BMAL1: variants seen among roughly 807,000 people sequenced by gnomAD.
BMAL1 encodes basic helix-loop-helix ARNT like 1, also known as basic helix-loop-helix ARNT-like protein 1.
chr11:13,381,240 C>T, the BMAL1 span: 221 of 1,613,836 alleles, frequency 1.4e-4, no homozygotes, highest in Non-Finnish European at 1.8e-4. Context: ...TGCCTCTTCT[C>T]CAGGAGGCAA....
At chr11:13,363,434 CCT>C in the BMAL1 span, among the ~76,000 whole-genome samples, 4 of 151,984 alleles carry the variant, frequency 2.6e-5, no homozygotes, top group Non-Finnish European at 5.9e-5. Context: ...GGTTTTGTCA[CCT>C]CTCTAGCACG....
chr11:13,358,618 T>C, the BMAL1 span: 1 of 1,538,354 alleles, frequency 6.5e-7, no homozygotes, highest in Non-Finnish European at 8.8e-7. Flanking sequence ...TATTGTCCTT[T>C]ATGTCCTTGC....
chr11:13,292,560 T>A, the BMAL1 span, among the ~76,000 whole-genome samples: 2,154 of 145,308 alleles, frequency 0.015, 63 homozygotes, highest in African/African-American at 0.051. Context: ...AAAAAAAAAA[T>A]AAAATAAAAT....
At chr11:13,371,906 A>G in the BMAL1 span, among the ~76,000 whole-genome samples, 5 of 152,152 alleles carry the variant, frequency 3.3e-5, no homozygotes, top group Non-Finnish European at 5.9e-5. Flanking sequence ...CTCCCTAGGA[A>G]GAGTTAGATA....
the BMAL1 span, chr11:13,376,470 G>T: frequency 1.4e-6 from 1 of 708,186 alleles, no homozygotes; most frequent in African/African-American, 1.7e-5. Flanking sequence ...AGGCCAGGAT[G>T]CTATCCATTA....
At chr11:13,321,195 C>G in the BMAL1 span, among the ~76,000 whole-genome samples, 5 of 152,150 alleles carry the variant, frequency 3.3e-5, no homozygotes, top group Admixed American at 3.3e-4. Flanking sequence ...CCAGTTCACC[C>G]TACTGAGATT....
At chr11:13,323,352 C>T in the BMAL1 span, among the ~76,000 whole-genome samples, 2 of 152,220 alleles carry the variant, frequency 1.3e-5, no homozygotes, top group Non-Finnish European at 2.9e-5. Flanking sequence ...CCCATACCCA[C>T]TGCCCATTCA....
chr11:13,300,333 A>G, the BMAL1 span, among the ~76,000 whole-genome samples: 1 of 152,256 alleles, frequency 6.6e-6, no homozygotes, highest in Non-Finnish European at 1.5e-5. Flanking sequence ...TTGTCTAGCT[A>G]ATGGCAATGG....
At chr11:13,365,526 AGGATGTGACCGAG>A in the BMAL1 span, 1 of 1,613,716 alleles carries the variant, frequency 6.2e-7, no homozygotes, top group Non-Finnish European at 8.5e-7. Flanking sequence ...TGTTTGTCGT[AGGATGTGACCGAG>A]GGAAGATACT....
the BMAL1 span, chr11:13,356,595 T>C: frequency 7.8e-6 from 7 of 898,826 alleles, no homozygotes; most frequent in Middle Eastern, 3.1e-4. Context: ...TTTACCCTTA[T>C]TATACATCAT....
the BMAL1 span, among the ~76,000 whole-genome samples, chr11:13,338,781 G>T: frequency 6.6e-6 from 1 of 152,146 alleles, no homozygotes; most frequent in Admixed American, 6.5e-5. Flanking sequence ...ATGTGATGTC[G>T]ATGCCTCCCC....
the BMAL1 span, among the ~76,000 whole-genome samples, chr11:13,337,747 A>T: frequency 1.3e-5 from 2 of 152,176 alleles, no homozygotes; most frequent in Non-Finnish European, 2.9e-5. Context: ...TTTCCTATTC[A>T]TAGTCTCTGC....
At chr11:13,284,716 A>G in the BMAL1 span, among the ~76,000 whole-genome samples, 5,806 of 152,044 alleles carry the variant, frequency 0.038, 355 homozygotes, top group African/African-American at 0.13. Flanking sequence ...CCTCGTACTT[A>G]GACCACCCAG....
chr11:13,317,603 C>T, the BMAL1 span, among the ~76,000 whole-genome samples: 1 of 152,208 alleles, frequency 6.6e-6, no homozygotes, highest in Non-Finnish European at 1.5e-5. Context: ...TTATTATTTA[C>T]TCTAGACCTG....
At chr11:13,327,067 C>T in the BMAL1 span, among the ~76,000 whole-genome samples, 1 of 151,628 alleles carries the variant, frequency 6.6e-6, no homozygotes, top group Non-Finnish European at 1.5e-5. Flanking sequence ...TGATCCACCC[C>T]CCTCAGCCTC....
the BMAL1 span, among the ~76,000 whole-genome samples, chr11:13,294,201 C>T: frequency 2.6e-5 from 4 of 152,038 alleles, no homozygotes; most frequent in East Asian, 7.7e-4. Context: ...GAACTTCTTT[C>T]TTGGAACTCT....
the BMAL1 span, chr11:13,353,140 C>T: frequency 2.6e-5 from 4 of 152,222 alleles, no homozygotes; most frequent in African/African-American, 9.7e-5. Context: ...TCCTGATTCC[C>T]AAGTAAGACT....
chr11:13,284,142 A>ATG, the BMAL1 span, among the ~76,000 whole-genome samples: 6 of 33,136 alleles, frequency 1.8e-4, 1 homozygote, highest in African/African-American at 4.7e-4. Flanking sequence ...ATATATATAT[A>ATG]TGTGTATATA....
chr11:13,358,375 A>C, the BMAL1 span: 3 of 1,436,804 alleles, frequency 2.1e-6, no homozygotes, highest in East Asian at 7.6e-5. Flanking sequence ...TATTTTTGTC[A>C]TCTTTTCTTG....
Sources: allele counts gnomAD v4.1 joint callset (sites outside exome capture counted in the v4.1 genomes callset), GRCh38; gene constraint gnomAD v4.1.1; transcripts MANE v1.5; gene names NCBI Gene and HGNC (gene_info 2026-07-23, HGNC 2026-07-21).